The following ANKS1B variants were observed in gnomAD, a reference collection of about 807,000 sequenced individuals.
ANKS1B encodes the protein ankyrin repeat and sterile alpha motif domain-containing protein 1B.
In ANKS1B, 36 loss-of-function variants were observed where a neutral mutation model predicts 148.3. The ratio of observed to expected loss-of-function variants is 0.24; its 90% CI spans 0.19 to 0.32. The LOEUF (loss-of-function observed/expected upper bound fraction) is 0.32, where lower values mean the gene tolerates loss of function less well. ANKS1B is among the 10% of genes least tolerant of loss of function. ANKS1B has a pLI of 1.00. For missense variants in ANKS1B, 1,157 were observed against 1,542.6 expected, an observed-to-expected ratio of 0.75 and a Z score of 4.19; for synonymous variants, 542 against 560.8, an observed-to-expected ratio of 0.97 and a Z score of 0.47.
chr12:99,717,955 G>A (rs1434399285), intron 8 of ANKS1B, among the ~76,000 whole-genome samples: 4 of 144,754 alleles, frequency 2.8e-5, no homozygotes, highest in Non-Finnish European at 6.0e-5. Flanking sequence ...CCAGGCTGGA[G>A]TGCAGTGGCG....
chr12:99,814,413 A>G (rs1369475310), intron 2 of ANKS1B, among the ~76,000 whole-genome samples: 21 of 151,808 alleles, frequency 1.4e-4, no homozygotes, highest in African/African-American at 2.4e-5. Flanking sequence ...AAAATACTTT[A>G]GAAGTGAAAT....
At chr12:99,581,897 CAAAAAAA>C (rs369048602) in intron 9 of ANKS1B, among the ~76,000 whole-genome samples, 131 of 60,758 alleles carry the variant, frequency 2.2e-3, no homozygotes, top group African/African-American at 4.5e-3. Context: ...GACTCCGTCT[CAAAAAAA>C]AAAAAAAAAA....
chr12:99,396,177 A>T (rs2094237553), intron 12 of ANKS1B, among the ~76,000 whole-genome samples: 1 of 152,222 alleles, frequency 6.6e-6, no homozygotes, highest in South Asian at 2.1e-4. Context: ...AAATACCTAA[A>T]GAGTAGATAT....
intron 15 of ANKS1B, among the ~76,000 whole-genome samples, chr12:99,128,492 T>A (rs2065083730): frequency 6.6e-6 from 1 of 152,166 alleles, no homozygotes; most frequent in African/African-American, 2.4e-5. Flanking sequence ...ATTAGAATGC[T>A]GTGTGTGCTG....
intron 17 of ANKS1B, among the ~76,000 whole-genome samples, chr12:98,882,637 C>G (rs2099711106): frequency 6.6e-6 from 1 of 151,870 alleles, no homozygotes; most frequent in African/African-American, 2.4e-5. Context: ...ATGTGGCATG[C>G]TTTAATATAT....
At chr12:99,471,648 G>GCACA (rs3050679) in intron 10 of ANKS1B, among the ~76,000 whole-genome samples, 5,278 of 149,034 alleles carry the variant, frequency 0.035, 137 homozygotes, top group African/African-American at 0.065. Context: ...ACATATGCGT[G>GCACA]CACACACACA....
chr12:99,373,672 A>G lies in ANKS1B; in HGVS notation c.1756+25959T>C, dbSNP rs76623375. ...GTTGCTCCAGTTACTGCTCTTTTTG[A>G]ATACTTGTTTCATTTTTTGTTTTTT... On this transcript the variant is annotated intron_variant, in intron 12 of 26. Transcript: ENST00000683438. Among the ~76,000 whole-genome samples the G allele has an allele frequency of 5.9e-3, 896 of 152,098 alleles. 2 individuals are homozygous for G. Among genetic ancestry groups the G allele is most frequent in the Non-Finnish European group, 9.7e-3 (657 of 67,952 alleles).
At chr12:98,841,210 A>G (rs1028526004) in intron 17 of ANKS1B, among the ~76,000 whole-genome samples, 1 of 152,202 alleles carries the variant, frequency 6.6e-6, no homozygotes, top group Admixed American at 6.6e-5. Flanking sequence ...TGTAAAGGAA[A>G]TTATGGTTAC....
intron 20 of ANKS1B, among the ~76,000 whole-genome samples, chr12:98,805,598 A>G (rs2099045045): frequency 1.3e-5 from 2 of 152,242 alleles, no homozygotes; most frequent in Admixed American, 6.5e-5. Flanking sequence ...AAAAGCATCA[A>G]TGGGATTTAG....
Position 99,761,142 on chromosome 12 carries a change from T to C in ANKS1B, c.1128+11780A>G, listed in dbSNP as rs187265800. On this transcript the variant is annotated intron_variant, in intron 8 of 26. Coordinates refer to ENST00000683438, the MANE Select transcript of ANKS1B (RefSeq NM_001352186.2). ...CCAGACATACAAAGAAGAGCTGGTA[T>C]TAATTCTGCTGAAACTATTCCAAAA... Among the ~76,000 whole-genome samples the C allele has an allele frequency of 2.4e-3, 355 of 149,658 alleles. 1 individual carries two copies. The highest frequency in any genetic ancestry group is 4.1e-3 in the Non-Finnish European group (276 of 67,566).
At chr12:98,802,345 T>C (rs1210113912) in intron 20 of ANKS1B, among the ~76,000 whole-genome samples, 1 of 152,114 alleles carries the variant, frequency 6.6e-6, no homozygotes, top group Non-Finnish European at 1.5e-5. Context: ...ATGCAAAATT[T>C]TGGATGCAGT....
chr12:98,894,627 C>T, intron 17 of ANKS1B: 1 of 984,908 alleles, frequency 1.0e-6, no homozygotes, highest in South Asian at 4.7e-5. Context: ...TGCCGCTACT[C>T]ACCCGAGCCG....
At chr12:99,136,674 G>C (rs1467241340) in intron 15 of ANKS1B, among the ~76,000 whole-genome samples, 1 of 152,122 alleles carries the variant, frequency 6.6e-6, no homozygotes, top group Non-Finnish European at 1.5e-5. Flanking sequence ...CATGTTATAT[G>C]GAGATAACCA....
chr12:99,593,199 A>AGTG (rs2097721417), intron 9 of ANKS1B, among the ~76,000 whole-genome samples: 1 of 152,010 alleles, frequency 6.6e-6, no homozygotes, highest in Non-Finnish European at 1.5e-5. Flanking sequence ...TTAAATTTGG[A>AGTG]GTGCCCTGGC....
intron 9 of ANKS1B, among the ~76,000 whole-genome samples, chr12:99,573,934 T>A (rs905719519): frequency 6.6e-6 from 1 of 152,038 alleles, no homozygotes; most frequent in Admixed American, 6.6e-5. Context: ...TTTTTTATCA[T>A]TTTTTTCACT....
chr12:99,005,902 T>C (rs1036500125), intron 17 of ANKS1B, among the ~76,000 whole-genome samples: 3 of 152,186 alleles, frequency 2.0e-5, no homozygotes, highest in Admixed American at 2.0e-4. Flanking sequence ...AGGGTTGGCA[T>C]AGCAACTCTT....
intron 8 of ANKS1B, among the ~76,000 whole-genome samples, chr12:99,741,206 AAC>A (rs774613671): frequency 0.019 from 2,596 of 135,276 alleles, 42 homozygotes; most frequent in South Asian, 0.06. Flanking sequence ...GGCTCCGTCA[AAC>A]ACACACACAC....
At position 99,163,505 on chromosome 12, in the gene ANKS1B, T is replaced by TGTGTG. The variant is rs770968774; in HGVS notation, c.2420-9111_2420-9110insCACAC. ...TGTGTGTGTGTGTGTGTGTGTGTGTTTAGTTCTGTACAATTTTATCACACG... is the reference window on the plus strand; with the variant it reads ...TGTGTGTGTGTGTGTGTGTGTGTGTTGTGTGTAGTTCTGTACAATTTTATCACACG... On this transcript the variant is annotated intron_variant, in intron 14 of 26. Coordinates refer to ENST00000683438, the MANE Select transcript of ANKS1B (RefSeq NM_001352186.2). 2.6e-3 allele frequency among the ~76,000 whole-genome samples: 196 copies of TGTGTG among 76,040 alleles called. 1 individual carries two copies. Among genetic ancestry groups the TGTGTG allele is most frequent in the Admixed American group, 9.7e-3 (66 of 6,806 alleles). 49.9% of individuals were successfully genotyped at this position (76,040 alleles called of 152,430 possible). A position where few individuals can be genotyped will look rare whatever the true frequency, so the allele number is the denominator to read the frequency against.
intron 9 of ANKS1B, among the ~76,000 whole-genome samples, chr12:99,634,800 C>G (rs1051710673): frequency 6.6e-6 from 1 of 152,022 alleles, no homozygotes; most frequent in Non-Finnish European, 1.5e-5. Flanking sequence ...TAAAACTGTG[C>G]GTCAAGGGGA....
Sources: gnomAD v4.1 joint callset for allele counts (sites outside exome capture counted in the v4.1 genomes callset) on GRCh38, gnomAD v4.1.1 for gene constraint, MANE v1.5 for transcripts, NCBI Gene and HGNC (gene_info 2026-07-23, HGNC 2026-07-21) for gene names.